Variants in MFN2 observed in about 807,000 individuals in gnomAD.
MFN2 encodes mitofusin 2.
Under a neutral mutation model 87.5 loss-of-function variants are expected in MFN2, and 43 were observed. The ratio of observed to expected loss-of-function variants is 0.49; its 90% confidence interval spans 0.38 to 0.63. The LOEUF (loss-of-function observed/expected upper bound fraction) is 0.63, where lower values mean the gene tolerates loss of function less well. Ranked by LOEUF, MFN2 falls within the 30% of genes least tolerant of loss-of-function variation. The pLI is 0.00. For synonymous variants in MFN2, 337 were observed against 359.9 expected (o/e 0.94, Z 0.72); for missense variants, 743 against 972.8 (o/e 0.76, Z 3.14).
chr1:12,009,662 A>G lies in MFN2; in HGVS notation c.2140A>G (p.Ile714Val), dbSNP rs779574187. Residue 714 changes from isoleucine (I) to valine (V), a missense_variant, in exon 18 of 19, where the codon ATT becomes GTT. Ile to Val is a conservative substitution (Grantham distance 29, BLOSUM62 3). Around this residue, in one of 3 missense-constraint regions of MFN2, gnomAD observed 571 missense variants for 670.7 expected, o/e 0.85. Coordinates refer to ENST00000235329, the MANE Select transcript of MFN2 (RefSeq NM_014874.4). ...CACCCGGGAGAACCTGGAGCAGGAA[A>G]TTGCCGCCATGAACAAGAAAATTGA... ...DVTRENLEQE[I>V]AAMNKKIEVL... The G allele has an allele frequency of 1.2e-6, 2 of 1,614,220 alleles. No homozygotes were observed. Among genetic ancestry groups the G allele is most frequent in the Non-Finnish European group, 1.7e-6 (2 of 1,180,052 alleles).
chr1:12,009,616 TC>T lies in MFN2; in HGVS notation c.2095del (p.Leu699CysfsTer19). ...QQELSGTFAH[L>X]CQQVDVTREN... is the part of the protein sequence containing the mutation. ...GGGAACTGTCTGGGACCTTTGCTCATCTGTGTCAGCAAGTTGACGTCACCCG... is the reference window on the plus strand; with the variant it reads ...GGGAACTGTCTGGGACCTTTGCTCATTGTGTCAGCAAGTTGACGTCACCCG... On this transcript the variant is annotated frameshift_variant, in exon 18 of 19. Coordinates refer to ENST00000235329, the MANE Select transcript of MFN2 (RefSeq NM_014874.4). LOFTEE classifies it high-confidence loss of function. 6.2e-7 allele frequency: 1 copy of T among 1,614,210 alleles called. No individual in the cohort carries two copies.
At chr1:12,002,228 C>T (rs979154876) in intron 11 of MFN2, 125 bp downstream of exon 11, 4 of 1,496,236 alleles carry the variant, frequency 2.7e-6, no homozygotes, top group African/African-American at 2.8e-5. Flanking sequence ...ATCCAGAGCC[C>T]TTTCCCTGGC....
At chr1:11,995,375 G>A (rs1474778347) in intron 4 of MFN2, among the ~76,000 whole-genome samples, 4 of 152,248 alleles carry the variant, frequency 2.6e-5, no homozygotes, top group Non-Finnish European at 4.4e-5. Context: ...GCTCATGCCT[G>A]TAATCCCAGC....
intron 15 of MFN2, 60 bp from the exon 16 acceptor site, chr1:12,006,478 G>T: frequency 6.2e-7 from 1 of 1,603,972 alleles, no homozygotes; most frequent in South Asian, 1.1e-5. Flanking sequence ...AACACTGAGG[G>T]TTCACGTGAA....
chr1:12,007,346 A>G (rs1639471112), intron 17 of MFN2, 97 bp downstream of exon 17: 1 of 1,449,422 alleles, frequency 6.9e-7, no homozygotes, highest in Non-Finnish European at 9.5e-7. Flanking sequence ...CCTGGAAGCC[A>G]CTGGGTCCTA....
chr1:12,003,613 G>A lies in MFN2; in HGVS notation c.1161-379G>A, dbSNP rs1042496996. Reference sequence around the variant, plus strand: ...CAGGAAGTGGAGGTTGCAGTGAGTGGAGATCGTGCCATTGCACTCCAGCCT... The same window carrying A: ...CAGGAAGTGGAGGTTGCAGTGAGTGAAGATCGTGCCATTGCACTCCAGCCT... On this transcript the variant is annotated intron_variant, in intron 11 of 18. Transcript: ENST00000235329. The surrounding 1 kb of genome is among the most constrained non-coding windows in gnomAD (Gnocchi z 4.1). Among the ~76,000 whole-genome samples the A allele has an allele frequency of 4.6e-5, 7 of 150,940 alleles. No homozygotes were observed. The highest frequency in any genetic ancestry group is 8.8e-5 in the Non-Finnish European group (6 of 67,940).
In MFN2 at chr1:12,013,373, G is replaced by A. The variant is rs1462994419; in HGVS notation, c.*1808G>A. Reference sequence around the variant, plus strand: ...ATGCTGCTGACATTGTTGTTTTTATGTTCATTTGCTGGAGCGCAAGACGTG... The same window carrying A: ...ATGCTGCTGACATTGTTGTTTTTATATTCATTTGCTGGAGCGCAAGACGTG... On this transcript the variant is annotated 3_prime_UTR_variant, in exon 19 of 19. Coordinates refer to ENST00000235329, the MANE Select transcript of MFN2 (RefSeq NM_014874.4). The A allele has an allele frequency of 4.2e-6, 2 of 471,274 alleles. No individual in the cohort carries two copies. Among genetic ancestry groups the A allele is most frequent in the Non-Finnish European group, 8.8e-6 (2 of 227,088 alleles). The allele number at this position is 471,274 out of a possible 1,614,324, so 29.2% of individuals were successfully genotyped here. A position where few individuals can be genotyped will look rare whatever the true frequency, so the allele number is the denominator to read the frequency against.
intron 15 of MFN2, 78 bp from the exon 16 acceptor site, chr1:12,006,460 A>C: frequency 6.4e-7 from 1 of 1,572,870 alleles, no homozygotes; most frequent in Non-Finnish European, 8.7e-7. Flanking sequence ...TGTTCCCCAG[A>C]CTAGGGCAAC....
At chr1:11,987,863 A>T (rs1432940008) in intron 2 of MFN2, among the ~76,000 whole-genome samples, 1 of 151,986 alleles carries the variant, frequency 6.6e-6, no homozygotes, top group East Asian at 1.9e-4. Context: ...AGGTGGGAGG[A>T]TTGCTTGGAC....
At chr1:12,010,165 A>G (rs1371124778) in intron 18 of MFN2, among the ~76,000 whole-genome samples, 1 of 152,138 alleles carries the variant, frequency 6.6e-6, no homozygotes. Flanking sequence ...AAAAAGAAAA[A>G]AAAAATGGAT....
intron 4 of MFN2, among the ~76,000 whole-genome samples, chr1:11,993,640 C>G (rs772077912): frequency 1.3e-5 from 2 of 149,838 alleles, no homozygotes; most frequent in Non-Finnish European, 2.9e-5. Context: ...GAGGCTAGGG[C>G]AGGAGAATGG....
In MFN2 at chr1:12,011,777, A is replaced by C; in HGVS notation, c.*212A>C. ...CTGGAAGAGCTGGCTCATACCCCCAAAGGACACTTTCAGCGACAGCTATGG... is the reference window on the plus strand; with the variant it reads ...CTGGAAGAGCTGGCTCATACCCCCACAGGACACTTTCAGCGACAGCTATGG... On this transcript the variant is annotated 3_prime_UTR_variant, in exon 19 of 19. Coordinates refer to ENST00000235329, the MANE Select transcript of MFN2 (RefSeq NM_014874.4). The C allele has an allele frequency of 1.6e-6, 1 of 608,326 alleles. No individual in the cohort carries two copies. 37.7% of individuals were successfully genotyped at this position (608,326 alleles called of 1,614,324 possible). A position where few individuals can be genotyped will look rare whatever the true frequency, so the allele number is the denominator to read the frequency against.
Position 11,998,970 on chromosome 1 carries a change from G to A in MFN2, c.709-18G>A. On this transcript the variant is annotated intron_variant, in intron 7 of 18. Transcript: ENST00000235329. ...GCTGTCAAGCTCCTGCTCCACCGAGGTCTTACCCTTTATCTAGGAAAAGCA... is the reference window on the plus strand; with the variant it reads ...GCTGTCAAGCTCCTGCTCCACCGAGATCTTACCCTTTATCTAGGAAAAGCA... 1 of 1,613,918 alleles carries A rather than the reference G, an allele frequency of 6.2e-7. No homozygotes were observed. Among genetic ancestry groups the A allele is most frequent in the South Asian group, 1.1e-5 (1 of 91,072 alleles).
Position 11,998,757 on chromosome 1 carries a change from CT to C in MFN2, c.600-12del. ...CTCTGCCTGATGATTTGGTTTACCC[CT>C]GTCACCTTTAGCCCTGGTATTGATG... On this transcript the variant is annotated splice_polypyrimidine_tract_variant and intron_variant, in intron 6 of 18. Transcript: ENST00000235329. The C allele has an allele frequency of 6.2e-7, 1 of 1,612,942 alleles. No individual in the cohort carries two copies.
chr1:12,007,309 C>G (rs947516020), intron 17 of MFN2, 60 bp downstream of exon 17: 3 of 1,573,020 alleles, frequency 1.9e-6, no homozygotes, highest in Non-Finnish European at 1.7e-6. Context: ...AGCCCCATCT[C>G]CCTTCCCCAT....
intron 18 of MFN2, 72 bp downstream of exon 18, chr1:12,009,798 G>A: frequency 3.1e-6 from 5 of 1,608,500 alleles, no homozygotes; most frequent in Non-Finnish European, 4.2e-6. Flanking sequence ...CTCAGCTGCT[G>A]GGCTTGCGTC....
intron 3 of MFN2, among the ~76,000 whole-genome samples, chr1:11,991,538 G>A (rs544578999): frequency 2.6e-5 from 4 of 152,178 alleles, no homozygotes; most frequent in East Asian, 1.9e-4. Context: ...CCAGAGGGCC[G>A]AGGAAGCTGG....
At position 11,981,615 on chromosome 1, in the gene MFN2, T is replaced by C; in HGVS notation, c.-149-355T>C. On this transcript the variant is annotated intron_variant, in intron 1 of 18. Coordinates refer to ENST00000235329, the MANE Select transcript of MFN2 (RefSeq NM_014874.4). ...CATTGGCTTTCAGTCAGTTCTTCTG[T>C]TCCTCAATAGTCAGCTGTTCCACAG... Among the ~76,000 whole-genome samples the C allele has an allele frequency of 1.3e-5, 2 of 152,260 alleles. 1 individual carries two copies. The highest frequency in any genetic ancestry group is 3.8e-4 in the East Asian group (2 of 5,206).
In MFN2 at chr1:12,001,649, G is replaced by C; in HGVS notation, c.970+95G>C. On this transcript the variant is annotated intron_variant, in intron 9 of 18. Transcript: ENST00000235329. Reference sequence around the variant, plus strand: ...GTCAGTAGAAAATCCTTCTGAGAAGGGGATGCTGAGAAGAGCAGAGAGGCT... The same window carrying C: ...GTCAGTAGAAAATCCTTCTGAGAAGCGGATGCTGAGAAGAGCAGAGAGGCT... 10 of 1,602,378 alleles carry C rather than the reference G, an allele frequency of 6.2e-6. No individual in the cohort carries two copies. In the South Asian group the frequency reaches 9.9e-5, roughly 16 times the overall value.
Sources: allele counts gnomAD v4.1 joint callset (sites outside exome capture counted in the v4.1 genomes callset), GRCh38; gene constraint gnomAD v4.1.1; regional missense constraint gnomAD v4.1.1; non-coding constraint Gnocchi (gnomAD v3.1); transcripts MANE v1.5; gene names NCBI Gene and HGNC (gene_info 2026-07-23, HGNC 2026-07-21).